MYH13: variants seen among roughly 807,000 people sequenced by gnomAD.
MYH13 encodes the protein myosin heavy chain 13, also known as myosin-13.
Under a neutral mutation model 232.1 loss-of-function variants are expected in MYH13, and 177 were observed. The observed-to-expected ratio is 0.76, with a 90% CI of 0.67 to 0.86. The LOEUF (loss-of-function observed/expected upper bound fraction) is 0.86, where lower values mean the gene tolerates loss of function less well. Among genes scored for constraint, MYH13 ranks in the 40% least tolerant of loss-of-function variants. The pLI is 0.00. For missense variants in MYH13, 2,246 were observed against 2,405.9 expected, an observed-to-expected ratio of 0.93 and a Z score of 1.39; for synonymous variants, 884 against 923.5, an observed-to-expected ratio of 0.96 and a Z score of 0.78.
Position 10,309,762 on chromosome 17 carries a change from C to A in MYH13, c.4725G>T (p.Glu1575Asp). 6.2e-7 allele frequency: 1 copy of A among 1,601,346 alleles called. No homozygotes were observed. The highest frequency in any genetic ancestry group is 8.5e-7 in the Non-Finnish European group (1 of 1,173,766). Residue 1575 changes from glutamate (E) to aspartate (D), a missense_variant, in exon 34 of 41, where the codon GAG becomes GAT. Transcript: ENST00000252172. Reference sequence around the variant, plus strand: ...CCTTCTCAATGACCTTGCGGTCTAGCTCGGATTTCACCTGGCTCAGCTCTA... The same window carrying A: ...CCTTCTCAATGACCTTGCGGTCTAGATCGGATTTCACCTGGCTCAGCTCTA... Reference protein sequence around the residue: ...VQLELSQVKSELDRKVIEKDE... With the variant: ...VQLELSQVKSDLDRKVIEKDE...
At chr17:10,317,931 G>A (rs1158327822) in intron 27 of MYH13, 2 of 152,124 alleles carry the variant, frequency 1.3e-5, no homozygotes, top group Non-Finnish European at 2.9e-5. Context: ...TTATAAGTTT[G>A]TATACTTTTT....
rs777830723 is a variant in MYH13, at chr17:10,301,580, C to T, written c.5791G>A (p.Val1931Met). ...VNKLRAKSRD[V>M]GSQKMEE ...GTACCTGCTCTTACCTGGCTGCCCA[C>T]GTCTCGGCTCTTGGCCCTCAGCTTG... Residue 1931 changes from valine (V) to methionine (M), a missense_variant, in exon 40 of 41, where the codon GTG (valine) becomes ATG (methionine). Val to Met is a conservative substitution (Grantham distance 21, BLOSUM62 1). Coordinates refer to ENST00000252172, the MANE Select transcript of MYH13 (RefSeq NM_003802.3). 1.9e-5 allele frequency: 30 copies of T among 1,614,064 alleles called. No homozygotes were observed. Among genetic ancestry groups the T allele is most frequent in the Admixed American group, 1.8e-4 (11 of 60,010 alleles).
rs2071701813 is a variant in MYH13 at position 10,350,640 on chromosome 17, G to A, written c.1060C>T (p.Leu354=). 1.2e-6 allele frequency: 2 copies of A among 1,613,658 alleles called. No homozygotes were observed. Among genetic ancestry groups the A allele is most frequent in the African/African-American group, 2.7e-5 (2 of 74,774 alleles). Residue 354 remains leucine (L), a synonymous_variant, in exon 12 of 41, where the codon CTG becomes TTG. Coordinates refer to ENST00000252172, the MANE Select transcript of MYH13 (RefSeq NM_003802.3). ...SSEEKVGIYK[L]TGAVMHYGNM... ...CCATAATGCATCACGGCTCCCGTCA[G>A]TTTGTAGATCCCGACTTTCTCCTCT...
chr17:10,363,297 C>A (rs1238647589), intron 3 of MYH13, among the ~76,000 whole-genome samples: 1 of 108,568 alleles, frequency 9.2e-6, no homozygotes, highest in Non-Finnish European at 1.7e-5. Flanking sequence ...GCCTGGGCGA[C>A]ACAGTGAGAC....
intron 22 of MYH13, 108 bp from the exon 23 acceptor site, chr17:10,324,372 G>T: frequency 7.3e-7 from 1 of 1,374,592 alleles, no homozygotes. Flanking sequence ...CCAAGAAATG[G>T]GTCATGCACA....
chr17:10,359,834 GGAAA>G, intron 7 of MYH13, 122 bp downstream of exon 7: 5 of 799,058 alleles, frequency 6.3e-6, no homozygotes, highest in Middle Eastern at 3.6e-4. Context: ...GATACAGAGA[GGAAA>G]GAAAGAATTT....
intron 2 of MYH13, among the ~76,000 whole-genome samples, chr17:10,370,214 C>T (rs915051251): frequency 3.3e-5 from 5 of 152,378 alleles, no homozygotes; most frequent in African/African-American, 1.2e-4. Context: ...ACACTGCTGA[C>T]GCACCACTCC....
intron 20 of MYH13, 25 bp downstream of exon 20, chr17:10,332,074 G>A (rs777283765): frequency 2.5e-6 from 4 of 1,612,778 alleles, no homozygotes; most frequent in East Asian, 2.2e-5. Flanking sequence ...GTTACTAGGG[G>A]AGTCCCAGCC....
chr17:10,361,839 A>AT (rs2071796310), intron 5 of MYH13, among the ~76,000 whole-genome samples: 1 of 152,212 alleles, frequency 6.6e-6, no homozygotes, highest in African/African-American at 2.4e-5. Flanking sequence ...GTACACCTGG[A>AT]TTGGGGGTTC....
Position 10,321,525 on chromosome 17 carries a change from T to C in MYH13, c.3111+7A>G. ...AATGCTAAAGCATAGTAGTAAAATATCCTCACATCATCTGTTTGCTGTTCA... is the reference window on the plus strand; with the variant it reads ...AATGCTAAAGCATAGTAGTAAAATACCCTCACATCATCTGTTTGCTGTTCA... On this transcript the variant is annotated splice_region_variant and intron_variant, in intron 24 of 40. Transcript: ENST00000252172. 2 of 1,609,650 alleles carry C rather than the reference T, an allele frequency of 1.2e-6. No individual in the cohort carries two copies. The highest frequency in any genetic ancestry group is 1.7e-6 in the Non-Finnish European group (2 of 1,177,978).
At chr17:10,311,848 TG>T in intron 32 of MYH13, 62 bp downstream of exon 32, 1 of 1,587,194 alleles carries the variant, frequency 6.3e-7, no homozygotes, top group African/African-American at 1.3e-5. Flanking sequence ...TGTGGCCAAA[TG>T]GGGAAGGGGT....
chr17:10,316,788 T>C (rs1193930003), intron 27 of MYH13, among the ~76,000 whole-genome samples: 3 of 152,170 alleles, frequency 2.0e-5, no homozygotes, highest in Non-Finnish European at 2.9e-5. Flanking sequence ...GTGAAGTTTG[T>C]TCAAAACCCT....
Position 10,362,129 on chromosome 17 carries a change from A to G in MYH13, c.494T>C (p.Phe165Ser). 6.2e-7 allele frequency: 1 copy of G among 1,613,954 alleles called. No homozygotes were observed. The highest frequency in any genetic ancestry group is 1.3e-5 in the African/African-American group (1 of 75,054). ...IFSISDNAYQFMLTDRDNQSI... is the reference protein window; with the variant it reads ...IFSISDNAYQSMLTDRDNQSI... ...AAGAAATTACTCACCAGTCAGCATGAACTGATAGGCATTGTCAGAGATGGA... is the reference window on the plus strand; with the variant it reads ...AAGAAATTACTCACCAGTCAGCATGGACTGATAGGCATTGTCAGAGATGGA... Residue 165 changes from phenylalanine to serine, a missense_variant, in exon 5 of 41, where the codon TTC (phenylalanine) becomes TCC (serine). Coordinates refer to ENST00000252172, the MANE Select transcript of MYH13 (RefSeq NM_003802.3).
chr17:10,362,426 C>G lies in MYH13; in HGVS notation c.282G>C (p.Met94Ile). 1 of 1,614,196 alleles carries G rather than the reference C, an allele frequency of 6.2e-7. No homozygotes were observed. The change falls in exon 4 of 41, where the codon ATG (methionine) becomes ATC (isoleucine). Residue 94 changes from methionine (M) to isoleucine (I), a missense_variant. Met to Ile is a conservative substitution (Grantham distance 10). Transcript: ENST00000252172. ...GAACAGCAGGTTCATGCAGGTGAGT[C>G]ATCATGGCCATGTCCTCGATCTTGT... ...KFDKIEDMAM[M>I]THLHEPAVLY...
rs761863351 is a variant in MYH13, at chr17:10,312,562, C to T, written c.4365+12G>A. The T allele has an allele frequency of 2.5e-6, 4 of 1,605,180 alleles. No individual in the cohort carries two copies. In the Admixed American group the frequency reaches 5.1e-5, roughly 21 times the overall value. On this transcript the variant is annotated intron_variant, in intron 31 of 40. Coordinates refer to ENST00000252172, the MANE Select transcript of MYH13 (RefSeq NM_003802.3). The stretch of plus-strand genomic sequence containing the variant: ...CATGCCATCTTCACAAAGAAAGCGG[C>T]TGGGGAAGGACCTTGTCGAAGTTCC...
At position 10,313,493 on chromosome 17, in the gene MYH13, TG is replaced by T. The variant is rs113423039; in HGVS notation, c.3985-140del. ...AATTTTGCCATATCAGCATATCACC[TG>T]GTTTATTTAATTTTTTTTCAAGTGG... On this transcript the variant is annotated intron_variant, in intron 29 of 40. Transcript: ENST00000252172. 1.4e-3 allele frequency: 1,834 copies of T among 1,294,598 alleles called. 30 individuals carry two copies. In the East Asian group the frequency reaches 0.033, roughly 23 times the overall value. The allele number at this position is 1,294,598 out of a possible 1,614,324, so 80.2% of individuals were successfully genotyped here.
At chr17:10,353,522 CT>C (rs2071725807) in intron 11 of MYH13, among the ~76,000 whole-genome samples, 1 of 152,046 alleles carries the variant, frequency 6.6e-6, no homozygotes, top group Admixed American at 6.6e-5. Flanking sequence ...AGACGGTATA[CT>C]TTAATTAAAA....
In MYH13 at chr17:10,320,411, G is replaced by A. The variant is rs1426432766; in HGVS notation, c.3197C>T (p.Ser1066Phe). Residue 1066 changes from serine to phenylalanine, a missense_variant, in exon 25 of 41, where the codon TCC (serine) becomes TTC (phenylalanine). Coordinates refer to ENST00000252172, the MANE Select transcript of MYH13 (RefSeq NM_003802.3). The part of the protein sequence containing the change: ...KRKLEGDLKM[S>F]QESIMDLEND... ...TTCTAGATCCATAATGGATTCCTGGGACATTTTCAGATCTCCTTCCAGCTT... is the reference window on the plus strand; with the variant it reads ...TTCTAGATCCATAATGGATTCCTGGAACATTTTCAGATCTCCTTCCAGCTT... 9.9e-6 allele frequency: 16 copies of A among 1,613,232 alleles called. No individual in the cohort carries two copies. The highest frequency in any genetic ancestry group is 1.4e-5 in the Non-Finnish European group (16 of 1,179,550).
At chr17:10,319,301 G>T in intron 26 of MYH13, 122 bp from the exon 27 acceptor site, 1 of 1,233,260 alleles carries the variant, frequency 8.1e-7, no homozygotes, top group Non-Finnish European at 1.1e-6. Context: ...TTGAGGTCAG[G>T]AGTTTGAAAC....
Sources: gnomAD v4.1 joint callset for allele counts (sites outside exome capture counted in the v4.1 genomes callset) on GRCh38, gnomAD v4.1.1 for gene constraint, MANE v1.5 for transcripts, NCBI Gene and HGNC (gene_info 2026-07-23, HGNC 2026-07-21) for gene names.